Variants in PFKFB4 observed in about 807,000 individuals in gnomAD.
The protein encoded by PFKFB4 is 6-phosphofructo-2-kinase/fructose-2,6-bisphosphatase 4.
PFKFB4 carries 42 observed loss-of-function variants against 62.8 expected under a neutral mutation model. That is an observed-to-expected ratio of 0.67 (90% CI 0.52 to 0.86). The LOEUF (loss-of-function observed/expected upper bound fraction) is 0.86. Among genes scored for constraint, PFKFB4 ranks in the 40% least tolerant of loss-of-function variants. The pLI is 0.00. For synonymous variants in PFKFB4, 204 were observed against 240.7 expected (o/e 0.85, Z 1.41); for missense variants, 475 against 627.2 (o/e 0.76, Z 2.59).
In PFKFB4 at chr3:48,550,152, A is replaced by G; in HGVS notation, c.180T>C (p.Thr60=). 1.2e-6 allele frequency: 2 copies of G among 1,613,982 alleles called. No homozygotes were observed. The highest frequency in any genetic ancestry group is 2.2e-5 in the East Asian group (1 of 44,886). The part of the protein sequence containing the change: ...RGKTYISKKL[T]RYLNWIGVPT... ...GCACACCAATCCAGTTCAGGTATCG[A>G]GTCAGCTTCTTGGAGATGTAGGTCT... The change falls in exon 2 of 14, where the codon ACT becomes ACC. Residue 60 remains threonine, a synonymous_variant. Transcript: ENST00000232375.
chr3:48,538,064 C>G (rs2042681115), intron 7 of PFKFB4, among the ~76,000 whole-genome samples: 1 of 152,182 alleles, frequency 6.6e-6, no homozygotes, highest in Non-Finnish European at 1.5e-5. Context: ...CTGTTTTTAT[C>G]AAGTTTTACT....
intron 1 of PFKFB4, among the ~76,000 whole-genome samples, chr3:48,552,282 C>T (rs1177526661): frequency 2.0e-5 from 3 of 152,244 alleles, no homozygotes; most frequent in African/African-American, 4.8e-5. Flanking sequence ...AGGTGTACCT[C>T]GGCACCGACT....
At chr3:48,546,717 T>TAGAC (rs1214439888) in intron 3 of PFKFB4, among the ~76,000 whole-genome samples, 1 of 152,226 alleles carries the variant, frequency 6.6e-6, no homozygotes, top group African/African-American at 2.4e-5. Context: ...TCACTGTGCA[T>TAGAC]AGACTGTTTA....
intron 8 of PFKFB4, 43 bp downstream of exon 8, chr3:48,536,213 C>T (rs777986339): frequency 4.4e-5 from 68 of 1,560,626 alleles, no homozygotes; most frequent in Non-Finnish European, 5.9e-5. Context: ...ACGCAGGGTA[C>T]AAATGCAGGC....
chr3:48,523,609 C>G lies in PFKFB4; in HGVS notation c.1223-10G>C, dbSNP rs923887344. On this transcript the variant is annotated splice_polypyrimidine_tract_variant and intron_variant, in intron 11 of 13. Coordinates refer to ENST00000232375, the MANE Select transcript of PFKFB4 (RefSeq NM_004567.4). ...AGGTAGGGCAGCTGTTCTGTAGACACAGAGGGGGATGGCTAGCACACCAGA... is the reference window on the plus strand; with the variant it reads ...AGGTAGGGCAGCTGTTCTGTAGACAGAGAGGGGGATGGCTAGCACACCAGA... 1.2e-6 allele frequency: 2 copies of G among 1,614,040 alleles called. No individual in the cohort carries two copies. The highest frequency in any genetic ancestry group is 1.1e-5 in the South Asian group (1 of 91,090).
At chr3:48,558,162 A>C (rs1022290965), upstream of PFKFB4, among the ~76,000 whole-genome samples, 5 of 152,094 alleles carry the variant, frequency 3.3e-5, no homozygotes, top group Non-Finnish European at 5.9e-5. Context: ...CACTGGGGAC[A>C]AGGAACAAGG....
At chr3:48,560,137 C>A (rs2043410069), upstream of PFKFB4, among the ~76,000 whole-genome samples, 1 of 152,146 alleles carries the variant, frequency 6.6e-6, no homozygotes, top group Admixed American at 6.5e-5. Context: ...TCAGTGCATG[C>A]CACACAGGCC....
chr3:48,562,394 G>A, upstream of PFKFB4: 1 of 228,880 alleles, frequency 4.4e-6, no homozygotes, highest in Admixed American at 5.1e-5. The surrounding 1 kb of genome is among the most constrained non-coding windows in gnomAD (Gnocchi z 4.3). Flanking sequence ...GACTGCATGT[G>A]GCGGTGTCCA....
intron 1 of PFKFB4, among the ~76,000 whole-genome samples, chr3:48,551,703 C>T (rs1359711647): frequency 6.6e-6 from 1 of 151,476 alleles, no homozygotes; most frequent in East Asian, 1.9e-4. Context: ...TGCCACCACA[C>T]CTGGCTAATT....
upstream of PFKFB4, chr3:48,556,888 C>A: frequency 6.9e-7 from 1 of 1,447,798 alleles, no homozygotes; most frequent in Non-Finnish European, 9.1e-7. This position sits in a 1 kb window ranked among gnomAD's most constrained non-coding sequence, Gnocchi z 5.7. Flanking sequence ...GCCGCGACAG[C>A]CCATGTCTAT....
At chr3:48,553,095 C>G (rs1031329119) in intron 1 of PFKFB4, among the ~76,000 whole-genome samples, 3 of 152,198 alleles carry the variant, frequency 2.0e-5, no homozygotes, top group African/African-American at 7.2e-5. Context: ...AAACAGAGCA[C>G]GTGGACTAAG....
Position 48,518,182 on chromosome 3 carries a change from G to A in PFKFB4, c.*1565C>T, listed in dbSNP as rs763558866. The A allele has an allele frequency of 7.9e-5, 12 of 152,370 alleles. No individual in the cohort carries two copies. The highest frequency in any genetic ancestry group is 1.6e-4 in the Non-Finnish European group (11 of 68,118). The allele number at this position is 152,370 out of a possible 1,614,324, so 9.4% of individuals were successfully genotyped here. ...CTTGGGCTCTGGGTCTAAAGGGCTT[G>A]GGGCTCTGACAGATGAGTCTGGAAG... On this transcript the variant is annotated 3_prime_UTR_variant, in exon 14 of 14. Coordinates refer to ENST00000232375, the MANE Select transcript of PFKFB4 (RefSeq NM_004567.4).
At chr3:48,520,524 G>T (rs2042064959) in intron 13 of PFKFB4, among the ~76,000 whole-genome samples, 1 of 152,234 alleles carries the variant, frequency 6.6e-6, no homozygotes, top group South Asian at 2.1e-4. Flanking sequence ...GACCTGAGCT[G>T]CTGCCCCATG....
At chr3:48,551,520 T>A in intron 1 of PFKFB4, among the ~76,000 whole-genome samples, 1 of 4,292 alleles carries the variant, frequency 2.3e-4, no homozygotes, top group African/African-American at 7.5e-4. Flanking sequence ...TCCAGCCTTC[T>A]TTTTTTTTTT....
intron 10 of PFKFB4, 120 bp downstream of exon 10, chr3:48,525,445 T>A: frequency 1.8e-6 from 1 of 550,290 alleles, no homozygotes; most frequent in Non-Finnish European, 3.3e-6. Flanking sequence ...GGCAGGCCTC[T>A]GAGACCAGGC....
chr3:48,555,923 C>T (rs573960145), intron 1 of PFKFB4, among the ~76,000 whole-genome samples: 2 of 151,134 alleles, frequency 1.3e-5, no homozygotes, highest in African/African-American at 4.9e-5. Context: ...AAAAAAAAAA[C>T]TGCCAGCTCA....
At chr3:48,557,831 C>T (rs1180405763), upstream of PFKFB4, among the ~76,000 whole-genome samples, 1 of 152,210 alleles carries the variant, frequency 6.6e-6, no homozygotes, top group Non-Finnish European at 1.5e-5. Flanking sequence ...GCCACCGCGC[C>T]CGGCCGTGCG....
intron 1 of PFKFB4, among the ~76,000 whole-genome samples, chr3:48,551,565 C>T (rs2043156945): frequency 8.5e-6 from 1 of 117,666 alleles, no homozygotes; most frequent in Non-Finnish European, 1.7e-5. Context: ...GAGGGAGTCT[C>T]GCTCTGTCGC....
In PFKFB4 at chr3:48,550,028, C is replaced by A. The variant is rs114317461; in HGVS notation, c.215-68G>T. Reference sequence around the variant, plus strand: ...CCTACCAACCCTGACCTTGACCCAACCCCAGGCCAAATAATAGAGAATAGG... The same window carrying A: ...CCTACCAACCCTGACCTTGACCCAAACCCAGGCCAAATAATAGAGAATAGG... On this transcript the variant is annotated intron_variant, in intron 2 of 13. Transcript: ENST00000232375. 1.3e-5 allele frequency: 18 copies of A among 1,431,274 alleles called. No individual in the cohort carries two copies. In the South Asian group the frequency reaches 2.1e-4, roughly 16 times the overall value. 88.7% of individuals were successfully genotyped at this position (1,431,274 alleles called of 1,614,324 possible). A position where few individuals can be genotyped will look rare whatever the true frequency, so the allele number is the denominator to read the frequency against.
Sources: gnomAD v4.1 joint callset for allele counts (sites outside exome capture counted in the v4.1 genomes callset) on GRCh38, gnomAD v4.1.1 for gene constraint, Gnocchi (gnomAD v3.1) non-coding constraint, MANE v1.5 for transcripts, NCBI Gene and HGNC (gene_info 2026-07-23, HGNC 2026-07-21) for gene names.